SLC36A1: variants seen among roughly 807,000 people sequenced by gnomAD.
SLC36A1 encodes the protein solute carrier family 36 member 1.
In SLC36A1, 30 loss-of-function variants were observed where a neutral mutation model predicts 47.5. That is an observed-to-expected ratio of 0.63 (90% CI 0.47 to 0.86). SLC36A1 has a LOEUF of 0.86. Ranked by LOEUF, SLC36A1 falls within the 40% of genes least tolerant of loss-of-function variation. The pLI, the probability that SLC36A1 is intolerant of heterozygous loss-of-function variation, is 0.00. For missense variants in SLC36A1, 517 were observed against 606.0 expected (o/e 0.85, Z 1.54); for synonymous variants, 255 against 249.7 (o/e 1.02, Z -0.20).
chr5:151,465,945 T>TA (rs35854261), intron 5 of SLC36A1, among the ~76,000 whole-genome samples: 11,795 of 146,928 alleles, frequency 0.08, 1,504 homozygotes, highest in African/African-American at 0.27. Flanking sequence ...TAAAAATTCT[T>TA]AAAAAAAAAA....
chr5:151,545,016 C>G, the SLC36A1 span: 1 of 1,614,222 alleles, frequency 6.2e-7, no homozygotes, highest in Non-Finnish European at 8.5e-7. Context: ...CCACTGCCAA[C>G]TCATGAGTGT....
chr5:151,500,867 C>T, the SLC36A1 span, among the ~76,000 whole-genome samples: 1 of 152,218 alleles, frequency 6.6e-6, no homozygotes, highest in East Asian at 1.9e-4. Context: ...TAGGCCTCCC[C>T]GCAGGCCCAG....
At chr5:151,554,220 C>T in the SLC36A1 span, 1 of 755,604 alleles carries the variant, frequency 1.3e-6, no homozygotes, top group Non-Finnish European at 2.1e-6. Context: ...AGCTGAGACT[C>T]CCAGTTTCTC....
At chr5:151,470,138 A>G (rs1292290473) in intron 7 of SLC36A1, among the ~76,000 whole-genome samples, 1 of 152,186 alleles carries the variant, frequency 6.6e-6, no homozygotes, top group Non-Finnish European at 1.5e-5. Flanking sequence ...TGAATGCACT[A>G]TAGACCATTT....
chr5:151,473,804 C>T (rs1261264238), intron 8 of SLC36A1, 33 bp downstream of exon 8: 1 of 1,482,108 alleles, frequency 6.7e-7, no homozygotes, highest in Admixed American at 1.7e-5. Context: ...GGCTAGTGTT[C>T]TCTGGTGCCC....
intron 10 of SLC36A1, among the ~76,000 whole-genome samples, chr5:151,485,687 G>A (rs577314703): frequency 2.0e-5 from 3 of 152,292 alleles, no homozygotes; most frequent in South Asian, 4.1e-4. Flanking sequence ...TAGGACTGTA[G>A]TAATATTGTG....
chr5:151,379,553 G>A, the SLC36A1 span, among the ~76,000 whole-genome samples: 18 of 152,212 alleles, frequency 1.2e-4, no homozygotes, highest in Admixed American at 2.0e-4. Context: ...GTCTGGTCTC[G>A]AACTCCTGAC....
chr5:151,450,981 C>G (rs1753572864), intron 1 of SLC36A1: 1 of 152,234 alleles, frequency 6.6e-6, no homozygotes, highest in African/African-American at 2.4e-5. Flanking sequence ...TCCACCCAGG[C>G]CTTGGAAGAA....
chr5:151,542,306 G>C, the SLC36A1 span: 1 of 1,607,364 alleles, frequency 6.2e-7, no homozygotes, highest in Non-Finnish European at 8.5e-7. Flanking sequence ...CAGGTGACCT[G>C]CCTGTTCTGC....
chr5:151,458,310 ACG>A (rs142352790), intron 1 of SLC36A1, among the ~76,000 whole-genome samples: 18,737 of 77,022 alleles, frequency 0.24, 2,170 homozygotes, highest in African/African-American at 0.46. Flanking sequence ...ACGTGTATAT[ACG>A]TATATATATA....
the SLC36A1 span, among the ~76,000 whole-genome samples, chr5:151,537,444 G>A: frequency 1.1e-4 from 3 of 26,580 alleles, no homozygotes; most frequent in African/African-American, 3.6e-4. Context: ...AAAGGAGAGG[G>A]GAGGGGAGGG....
upstream of SLC36A1, among the ~76,000 whole-genome samples, chr5:151,432,606 A>T (rs73796576): frequency 6.6e-6 from 1 of 152,186 alleles, no homozygotes; most frequent in Non-Finnish European, 1.5e-5. Flanking sequence ...AGATGTCATT[A>T]AAGTCTCAAG....
chr5:151,421,589 T>G, the SLC36A1 span, among the ~76,000 whole-genome samples: 2 of 149,168 alleles, frequency 1.3e-5, no homozygotes, highest in Non-Finnish European at 3.0e-5. Flanking sequence ...TCTTTTTTTT[T>G]TTTTGTTGTT....
chr5:151,372,395 G>A, the SLC36A1 span, among the ~76,000 whole-genome samples: 1 of 151,820 alleles, frequency 6.6e-6, no homozygotes, highest in Admixed American at 6.6e-5. Context: ...ATAGTGAAAT[G>A]GAAATGTGAG....
chr5:151,505,952 G>T, the SLC36A1 span: 4 of 1,575,622 alleles, frequency 2.5e-6, no homozygotes, highest in Admixed American at 3.9e-5. Flanking sequence ...CCCCATAGAG[G>T]CCATTAGGCT....
chr5:151,435,328 T>C (rs1561707169), upstream of SLC36A1, among the ~76,000 whole-genome samples: 1 of 152,156 alleles, frequency 6.6e-6, no homozygotes, highest in East Asian at 1.9e-4. Flanking sequence ...ATATAAACTA[T>C]CTGTTAAGTG....
the SLC36A1 span, among the ~76,000 whole-genome samples, chr5:151,383,571 ATTTTTT>A: frequency 1.5e-5 from 2 of 132,448 alleles, no homozygotes; most frequent in African/African-American, 5.7e-5. Context: ...TTTAACTTAA[ATTTTTT>A]TTTTTTTTTT....
the SLC36A1 span, among the ~76,000 whole-genome samples, chr5:151,358,091 G>A: frequency 1.7e-4 from 26 of 152,274 alleles, no homozygotes; most frequent in African/African-American, 6.3e-4. Context: ...TCAGTTGGCT[G>A]CCTGTGATTG....
In SLC36A1 at chr5:151,467,779, G is replaced by T. The variant is rs546760067; in HGVS notation, c.577G>T (p.Asp193Tyr). ...GACGGTGATTCTGACGCCTACCATG[G>T]ACTCGCGACTCTACATGCTCTCCTT... Reference protein sequence around the residue: ...NETVILTPTMDSRLYMLSFLP... With the variant: ...NETVILTPTMYSRLYMLSFLP... Residue 193 changes from aspartate to tyrosine, a missense_variant, in exon 7 of 11, where the codon GAC (aspartate) becomes TAC (tyrosine). Asp to Tyr is a radical substitution (Grantham distance 160). Coordinates refer to ENST00000243389, the MANE Select transcript of SLC36A1 (RefSeq NM_078483.4). 6.2e-7 allele frequency: 1 copy of T among 1,613,964 alleles called. No individual in the cohort carries two copies. The highest frequency in any genetic ancestry group is 1.3e-5 in the African/African-American group (1 of 74,962).
Sources: gnomAD v4.1 joint callset for allele counts (sites outside exome capture counted in the v4.1 genomes callset) on GRCh38, gnomAD v4.1.1 for gene constraint, MANE v1.5 for transcripts, NCBI Gene and HGNC (gene_info 2026-07-23, HGNC 2026-07-21) for gene names.